Variants in TMEM163 observed in about 807,000 individuals in gnomAD.
The protein encoded by TMEM163 is transmembrane protein 163.
In TMEM163, 17 loss-of-function variants were observed where a neutral mutation model predicts 29.3. The ratio of observed to expected loss-of-function variants is 0.58; its 90% CI spans 0.40 to 0.87. The LOEUF is 0.87. Among genes scored for constraint, TMEM163 ranks in the 40% least tolerant of loss-of-function variants. The pLI is 0.00. For missense variants in TMEM163, 303 were observed against 381.5 expected (o/e 0.79, Z 1.71); for synonymous variants, 157 against 160.6 (o/e 0.98, Z 0.17).
At chr2:134,571,362 A>G (rs1040840626) in intron 2 of TMEM163, among the ~76,000 whole-genome samples, 3 of 152,192 alleles carry the variant, frequency 2.0e-5, no homozygotes, top group Non-Finnish European at 2.9e-5. Flanking sequence ...TGACCACAGA[A>G]CAGGGGAGCT....
At chr2:134,509,217 C>T (rs180887183) in intron 4 of TMEM163, among the ~76,000 whole-genome samples, 1 of 152,286 alleles carries the variant, frequency 6.6e-6, no homozygotes, top group East Asian at 1.9e-4. Context: ...GTGGTTACTG[C>T]AACTGAAGAA....
chr2:134,648,332 C>CTTCTT (rs1553489008), intron 2 of TMEM163, among the ~76,000 whole-genome samples: 61 of 151,786 alleles, frequency 4.0e-4, no homozygotes, highest in African/African-American at 1.4e-3. Flanking sequence ...CTTCTCTTCT[C>CTTCTT]TTCTCTTCTC....
At chr2:134,481,370 T>C (rs2106479509) in intron 5 of TMEM163, among the ~76,000 whole-genome samples, 1 of 114,168 alleles carries the variant, frequency 8.8e-6, no homozygotes, top group African/African-American at 4.6e-5. Context: ...GGGAGGTAAT[T>C]GAATCATGGG....
intron 2 of TMEM163, among the ~76,000 whole-genome samples, chr2:134,596,725 T>C (rs1682092866): frequency 6.6e-6 from 1 of 152,174 alleles, no homozygotes; most frequent in South Asian, 2.1e-4. Flanking sequence ...TTTCACAATA[T>C]TGATTCTTCC....
chr2:134,662,544 A>G (rs1213279090), intron 2 of TMEM163, among the ~76,000 whole-genome samples: 1 of 152,206 alleles, frequency 6.6e-6, no homozygotes, highest in African/African-American at 2.4e-5. Context: ...CAGGAAAAAA[A>G]AAGACTAGCT....
chr2:134,547,741 T>A (rs1447104330), intron 4 of TMEM163, among the ~76,000 whole-genome samples: 1 of 152,236 alleles, frequency 6.6e-6, no homozygotes, highest in East Asian at 1.9e-4. Context: ...ATTGGCATTG[T>A]CACGTGAACA....
At chr2:134,601,101 T>G (rs1682222073) in intron 2 of TMEM163, among the ~76,000 whole-genome samples, 1 of 152,094 alleles carries the variant, frequency 6.6e-6, no homozygotes, top group Non-Finnish European at 1.5e-5. Context: ...ATTGTCTAGT[T>G]AACTATTAAA....
intron 4 of TMEM163, among the ~76,000 whole-genome samples, chr2:134,513,015 T>C: frequency 6.6e-6 from 1 of 152,164 alleles, no homozygotes; most frequent in East Asian, 1.9e-4. Flanking sequence ...CAAATGATGA[T>C]ATGGATCAGG....
chr2:134,637,202 ACTGT>A (rs35054744), intron 2 of TMEM163, among the ~76,000 whole-genome samples: 71,757 of 151,816 alleles, frequency 0.47, 17,856 homozygotes, highest in Non-Finnish European at 0.56. Flanking sequence ...CACCAGGGCC[ACTGT>A]CTGTGTGGAG....
intron 2 of TMEM163, among the ~76,000 whole-genome samples, chr2:134,674,780 C>G (rs539079155): frequency 1.3e-5 from 2 of 152,188 alleles, no homozygotes; most frequent in African/African-American, 4.8e-5. Context: ...AAACCACAAT[C>G]TTGCGCAAAG....
chr2:134,708,597 T>C (rs1472922462), intron 2 of TMEM163, among the ~76,000 whole-genome samples: 1 of 151,908 alleles, frequency 6.6e-6, no homozygotes, highest in Admixed American at 6.5e-5. Flanking sequence ...TTTTTATTTT[T>C]ATTTTTTGAG....
intron 2 of TMEM163, among the ~76,000 whole-genome samples, chr2:134,639,547 C>A (rs1460680254): frequency 6.6e-6 from 1 of 152,208 alleles, no homozygotes; most frequent in East Asian, 1.9e-4. Flanking sequence ...GTGAGAGAAG[C>A]TTCTAACAAA....
chr2:134,654,256 G>A (rs1421596305), intron 2 of TMEM163, among the ~76,000 whole-genome samples: 1 of 128,176 alleles, frequency 7.8e-6, no homozygotes, highest in African/African-American at 3.6e-5. Flanking sequence ...ATATATTTAG[G>A]ATAGTTAGCT....
chr2:134,462,228 A>G (rs569628591), intron 6 of TMEM163, among the ~76,000 whole-genome samples: 1 of 151,386 alleles, frequency 6.6e-6, no homozygotes, highest in South Asian at 2.1e-4. Flanking sequence ...TACCTACCCT[A>G]CCACTTCCCA....
chr2:134,487,895 T>A (rs1574170120), intron 5 of TMEM163, among the ~76,000 whole-genome samples: 1 of 152,254 alleles, frequency 6.6e-6, no homozygotes, highest in South Asian at 2.1e-4. Flanking sequence ...ACCTTTAATA[T>A]CTTTTAAAAG....
intron 2 of TMEM163, among the ~76,000 whole-genome samples, chr2:134,599,652 C>T (rs2104808997): frequency 6.6e-6 from 1 of 151,238 alleles, no homozygotes; most frequent in South Asian, 2.1e-4. Context: ...GAGACACAAA[C>T]TTAAAACAAA....
chr2:134,520,252 C>T (rs1680165018), intron 4 of TMEM163, among the ~76,000 whole-genome samples: 1 of 152,232 alleles, frequency 6.6e-6, no homozygotes, highest in South Asian at 2.1e-4. Context: ...ATAGACACCT[C>T]TAATAAGGAA....
chr2:134,615,628 A>C (rs1682592449), intron 2 of TMEM163, among the ~76,000 whole-genome samples: 1 of 150,108 alleles, frequency 6.7e-6, no homozygotes, highest in Non-Finnish European at 1.5e-5. Flanking sequence ...TCTGTGCCAG[A>C]TCAGCTGCAA....
Position 134,458,041 on chromosome 2 carries a change from T to C in TMEM163, c.800A>G (p.Tyr267Cys). Reference protein sequence around the residue: ...GVLIGLTIFAYGVKLLIDMVP... With the variant: ...GVLIGLTIFACGVKLLIDMVP... ...AAGCACAAGAACCTACTTGACCCCA[T>C]AGGCAAATATGGTGAGGCCGATCAG... The change falls in exon 7 of 8, where the codon TAT (tyrosine) becomes TGT (cysteine). Residue 267 changes from tyrosine to cysteine, a missense_variant. Tyr to Cys is a radical substitution (Grantham distance 194, BLOSUM62 -2). Coordinates refer to ENST00000281924, the MANE Select transcript of TMEM163 (RefSeq NM_030923.5). The C allele has an allele frequency of 1.9e-6, 3 of 1,614,098 alleles. No homozygotes were observed. Among genetic ancestry groups the C allele is most frequent in the Admixed American group, 1.7e-5 (1 of 60,022 alleles).
Sources: gnomAD v4.1 joint callset for allele counts (sites outside exome capture counted in the v4.1 genomes callset) on GRCh38, gnomAD v4.1.1 for gene constraint, MANE v1.5 for transcripts, NCBI Gene and HGNC (gene_info 2026-07-23, HGNC 2026-07-21) for gene names.